The following FBXO3 variants were observed in gnomAD, a reference collection of about 807,000 sequenced individuals.
FBXO3 encodes the protein F-box protein 3, also known as F-box only protein 3.
In FBXO3, 17 loss-of-function variants were observed where a neutral mutation model predicts 64.8. The ratio of observed to expected loss-of-function variants is 0.26; its 90% CI spans 0.18 to 0.39. FBXO3 has a LOEUF of 0.39. Among genes scored for constraint, FBXO3 ranks in the 10% least tolerant of loss-of-function variants. FBXO3 has a pLI of 1.00. For synonymous variants in FBXO3, 182 were observed against 201.6 expected, an observed-to-expected ratio of 0.90 and a Z score of 0.82; for missense variants, 420 against 589.9, an observed-to-expected ratio of 0.71 and a Z score of 2.98.
intron 10 of FBXO3, chr11:33,744,849 GGTAAGCATTAATACAATCCAC>G (rs1470165082): frequency 6.6e-6 from 1 of 152,136 alleles, no homozygotes. Context: ...TTTCTGATAT[GGTAAGCATTAATACAATCCAC>G]ATAAGCAAGA....
intron 1 of FBXO3, chr11:33,771,577 A>G (rs1478664953): frequency 6.6e-6 from 1 of 152,254 alleles, no homozygotes; most frequent in Non-Finnish European, 1.5e-5. Flanking sequence ...ATTACAAGTT[A>G]TATTAATTGA....
At position 33,768,967 on chromosome 11, in the gene FBXO3, T is replaced by A. The variant is rs1465174746; in HGVS notation, c.242A>T (p.Asp81Val). Residue 81 changes from aspartate (D) to valine (V), a missense_variant, in exon 3 of 11, where the codon GAT (aspartate) becomes GTT (valine). Around this residue, in one of 3 missense-constraint regions of FBXO3, gnomAD observed 337 missense variants for 518.4 expected, o/e 0.65. Transcript: ENST00000265651. ...GTATCTTCCTACATCAGAGTAAGTA[T>A]CTATGAAGAGAGATTTCCAACACTG... ...KNQCWKSLFI[D>V]TYSDVGRYID... 2 of 1,613,644 alleles carry A rather than the reference T, an allele frequency of 1.2e-6. No individual in the cohort carries two copies. The highest frequency in any genetic ancestry group is 8.5e-7 in the Non-Finnish European group (1 of 1,179,702).
chr11:33,767,000 A>AG (rs1488460175), intron 3 of FBXO3, among the ~76,000 whole-genome samples: 16 of 104,590 alleles, frequency 1.5e-4, no homozygotes, highest in South Asian at 6.3e-4. Context: ...AAAAAAAAAA[A>AG]AGAAAAAAAA....
At chr11:33,753,690 T>C (rs1180069954) in intron 6 of FBXO3, 1 of 152,216 alleles carries the variant, frequency 6.6e-6, no homozygotes, top group Admixed American at 6.5e-5. Flanking sequence ...ATGGAACAAA[T>C]AGAGACTTAT....
At chr11:33,751,655 T>A in intron 6 of FBXO3, 48 bp from the exon 7 acceptor site, 1 of 1,127,114 alleles carries the variant, frequency 8.9e-7, no homozygotes, top group Non-Finnish European at 1.3e-6. Flanking sequence ...AATAGTTTTG[T>A]AAAATCTATA....
intron 8 of FBXO3, 28 bp downstream of exon 8, chr11:33,750,511 G>A: frequency 6.2e-7 from 1 of 1,612,000 alleles, no homozygotes; most frequent in African/African-American, 1.3e-5. Context: ...ACCATTAACT[G>A]AAAGGTGACC....
intron 9 of FBXO3, 27 bp from the exon 10 acceptor site, chr11:33,747,347 C>G (rs776013635): frequency 3.2e-6 from 5 of 1,556,030 alleles, no homozygotes; most frequent in Non-Finnish European, 4.4e-6. Flanking sequence ...AACAATAAAC[C>G]AAAGTATAAA....
intron 9 of FBXO3, among the ~76,000 whole-genome samples, chr11:33,748,032 C>T (rs766693625): frequency 3.9e-5 from 6 of 151,914 alleles, no homozygotes; most frequent in Non-Finnish European, 5.9e-5. Context: ...TAGCAAGAAA[C>T]AAAAACATAA....
chr11:33,765,113 T>C lies in FBXO3; in HGVS notation c.358+3738A>G, dbSNP rs138763769. 9.3e-3 allele frequency among the ~76,000 whole-genome samples: 1,409 copies of C among 152,202 alleles called. 79 individuals carry two copies. The highest frequency in any genetic ancestry group is 0.085 in the Admixed American group (1,302 of 15,288). ...TCCTGGAACAGAAAAAGGACAATAA[T>C]GGAAAATCGGGGGAAATTCAAGTGA... is the stretch of plus-strand genomic sequence containing the variant. On this transcript the variant is annotated intron_variant, in intron 3 of 10. Transcript: ENST00000265651.
At chr11:33,752,447 T>C (rs971237968) in intron 6 of FBXO3, among the ~76,000 whole-genome samples, 1 of 152,228 alleles carries the variant, frequency 6.6e-6, no homozygotes, top group Non-Finnish European at 1.5e-5. Flanking sequence ...ATTAACCCAG[T>C]TTCTACACTC....
rs771696208 is a variant in FBXO3, at chr11:33,754,458, T to G, written c.721A>C (p.Ile241Leu). 6.3e-7 allele frequency: 1 copy of G among 1,584,512 alleles called. No individual in the cohort carries two copies. The highest frequency in any genetic ancestry group is 1.2e-5 in the South Asian group (1 of 84,422). Residue 241 changes from isoleucine to leucine, a missense_variant, in exon 6 of 11, where the codon ATA becomes CTA. Ile to Leu is a conservative substitution (Grantham distance 5, BLOSUM62 2). Coordinates refer to ENST00000265651, the MANE Select transcript of FBXO3 (RefSeq NM_012175.4). ...AAAAGACTTTTTTCTTTCCTACCTA[T>G]AATAAACATGTCAATAGCAGCTGGA... ...RNPAAIDMFI[I>L]GATFTDWFTS...
intron 9 of FBXO3, among the ~76,000 whole-genome samples, 194 bp from the exon 10 acceptor site, chr11:33,747,514 C>CTT (rs375433121): frequency 5.7e-5 from 8 of 140,930 alleles, no homozygotes; most frequent in Non-Finnish European, 7.8e-5. Flanking sequence ...TTCCTCTTGA[C>CTT]TTTTTTTTTT....
At position 33,751,547 on chromosome 11, in the gene FBXO3, G is replaced by C. The variant is rs755304381; in HGVS notation, c.785C>G (p.Pro262Arg). The C allele has an allele frequency of 6.2e-7, 1 of 1,608,650 alleles. No individual in the cohort carries two copies. The highest frequency in any genetic ancestry group is 8.5e-7 in the Non-Finnish European group (1 of 1,177,748). Reference sequence around the variant, plus strand: ...CCTGAAAATTTGGTCTCTGATGATGGGGAAGCCACCTGATACAACATTTTT... The same window carrying C: ...CCTGAAAATTTGGTCTCTGATGATGCGGAAGCCACCTGATACAACATTTTT... ...YVKNVVSGGF[P>R]IIRDQIFRYV... Residue 262 changes from proline to arginine, a missense_variant, in exon 7 of 11, where the codon CCC becomes CGC. By Grantham distance (103) the Pro-to-Arg change is moderately radical (BLOSUM62 -2). Transcript: ENST00000265651.
rs187148380 is a variant in FBXO3 at position 33,769,020 on chromosome 11, T to C, written c.195-6A>G. 4,160 of 1,592,336 alleles carry C rather than the reference T, an allele frequency of 2.6e-3. 12 individuals are homozygous for C. The highest frequency in any genetic ancestry group is 3.3e-3 in the Non-Finnish European group (3,868 of 1,172,300). On this transcript the variant is annotated splice_polypyrimidine_tract_variant and splice_region_variant and intron_variant, in intron 2 of 10. Coordinates refer to ENST00000265651, the MANE Select transcript of FBXO3 (RefSeq NM_012175.4). Reference sequence around the variant, plus strand: ...TCTTCTGTGTTTTCTCTTCCCTAAATAGATGAAAAACATGAGATTTTAAAT... The same window carrying C: ...TCTTCTGTGTTTTCTCTTCCCTAAACAGATGAAAAACATGAGATTTTAAAT...
At chr11:33,768,047 T>C (rs1312629212) in intron 3 of FBXO3, among the ~76,000 whole-genome samples, 3 of 152,210 alleles carry the variant, frequency 2.0e-5, no homozygotes, top group African/African-American at 2.4e-5. Context: ...AGGAATACTG[T>C]TTCAAAAGAG....
Position 33,758,507 on chromosome 11 carries a change from T to C in FBXO3, c.453A>G (p.Gly151=), listed in dbSNP as rs757007055. ...CTTACCCAGGAACCACTAACTTCTGTCCATTGTGAATTCGGTATGAACATC... is the reference window on the plus strand; with the variant it reads ...CTTACCCAGGAACCACTAACTTCTGCCCATTGTGAATTCGGTATGAACATC... ...DYRCSYRIHN[G]QKLVVPGLLG... is the part of the protein sequence containing the mutation. Residue 151 remains glycine, a synonymous_variant, in exon 4 of 11, where the codon GGA becomes GGG. Transcript: ENST00000265651. 2 of 1,605,086 alleles carry C rather than the reference T, an allele frequency of 1.2e-6. No homozygotes were observed. Among genetic ancestry groups the C allele is most frequent in the Admixed American group, 3.4e-5 (2 of 59,632 alleles).
intron 3 of FBXO3, among the ~76,000 whole-genome samples, chr11:33,759,147 G>A (rs761002902): frequency 2.6e-5 from 4 of 152,200 alleles, no homozygotes; most frequent in Admixed American, 1.3e-4. Flanking sequence ...TCGACATTCA[G>A]CAGCAGCCCA....
At chr11:33,747,888 A>G (rs374705524) in intron 9 of FBXO3, among the ~76,000 whole-genome samples, 36 of 152,024 alleles carry the variant, frequency 2.4e-4, no homozygotes, top group Non-Finnish European at 4.9e-4. Context: ...AAAAAAAAAA[A>G]AAAAACAGAA....
At chr11:33,745,842 T>C (rs1854801254) in intron 10 of FBXO3, 1 of 152,112 alleles carries the variant, frequency 6.6e-6, no homozygotes, top group Admixed American at 6.5e-5. Flanking sequence ...CAAAAGTTGC[T>C]CCTTTAAATG....
Sources: gnomAD v4.1 joint callset for allele counts (sites outside exome capture counted in the v4.1 genomes callset) on GRCh38, gnomAD v4.1.1 for gene constraint, gnomAD v4.1.1 regional missense constraint, MANE v1.5 for transcripts, NCBI Gene and HGNC (gene_info 2026-07-23, HGNC 2026-07-21) for gene names.